NELL2: variants seen among roughly 807,000 people sequenced by gnomAD.
The protein encoded by NELL2 is protein kinase C-binding protein NELL2.
Under a neutral mutation model 109.6 loss-of-function variants are expected in NELL2, and 41 were observed. The observed-to-expected ratio is 0.37, with a 90% CI of 0.29 to 0.49. The LOEUF (loss-of-function observed/expected upper bound fraction) is 0.49, where lower values mean the gene tolerates loss of function less well. Among genes scored for constraint, NELL2 ranks in the 20% least tolerant of loss-of-function variants. The pLI, the probability that NELL2 is intolerant of heterozygous loss-of-function variation, is 0.98. For missense variants in NELL2, 900 were observed against 1,008.3 expected (o/e 0.89, Z 1.45); for synonymous variants, 355 against 344.7 (o/e 1.03, Z -0.33).
At chr12:44,740,425 T>C (rs557953112) in intron 9 of NELL2, among the ~76,000 whole-genome samples, 1 of 152,270 alleles carries the variant, frequency 6.6e-6, no homozygotes, top group South Asian at 2.1e-4. Context: ...TTGTCCTATC[T>C]GTGAACTACT....
intron 9 of NELL2, among the ~76,000 whole-genome samples, chr12:44,754,438 T>C (rs1319066900): frequency 6.6e-6 from 1 of 152,186 alleles, no homozygotes; most frequent in Non-Finnish European, 1.5e-5. Context: ...ATCAGCTCCC[T>C]CCTCTAGAGT....
chr12:44,904,403 A>T (rs1310729555), intron 1 of NELL2, among the ~76,000 whole-genome samples: 3 of 152,178 alleles, frequency 2.0e-5, no homozygotes, highest in Non-Finnish European at 4.4e-5. Context: ...AGTGATACTC[A>T]ACGCTTGCAG....
intron 13 of NELL2, among the ~76,000 whole-genome samples, chr12:44,646,680 G>C (rs952715850): frequency 6.6e-6 from 1 of 152,184 alleles, no homozygotes; most frequent in Admixed American, 6.5e-5. Context: ...CGAAACTGTA[G>C]ATAAGAGGGG....
chr12:44,761,615 A>G (rs1403377128), intron 9 of NELL2, among the ~76,000 whole-genome samples: 1 of 152,190 alleles, frequency 6.6e-6, no homozygotes. Flanking sequence ...AATTAACATA[A>G]CTGTCCATCA....
chr12:44,684,612 G>T (rs1397884488), intron 12 of NELL2, among the ~76,000 whole-genome samples: 1 of 152,024 alleles, frequency 6.6e-6, no homozygotes, highest in Non-Finnish European at 1.5e-5. Flanking sequence ...ATTCTGGTAT[G>T]TTGTGTCTTT....
chr12:44,617,646 C>G (rs1412337854), intron 13 of NELL2, among the ~76,000 whole-genome samples: 2 of 90,682 alleles, frequency 2.2e-5, no homozygotes, highest in Admixed American at 1.1e-4. Flanking sequence ...GAGCCGAGAT[C>G]CCGCCACTGC....
intron 1 of NELL2, 171 bp from the exon 2 acceptor site, chr12:44,875,524 G>C: frequency 6.2e-7 from 1 of 1,613,924 alleles, no homozygotes; most frequent in South Asian, 1.1e-5. Flanking sequence ...CAGCAGCCAA[G>C]CTTTAAATAG....
At chr12:44,863,258 A>C (rs930958434) in intron 2 of NELL2, among the ~76,000 whole-genome samples, 53 of 152,332 alleles carry the variant, frequency 3.5e-4, no homozygotes, top group African/African-American at 1.3e-3. Context: ...TTAAAGAAAT[A>C]GTAGCAGAAA....
chr12:44,715,674 C>A (rs999456381), intron 9 of NELL2, among the ~76,000 whole-genome samples: 4 of 151,702 alleles, frequency 2.6e-5, no homozygotes, highest in Non-Finnish European at 5.9e-5. Context: ...TGCTTCAGGT[C>A]CCCATAACAT....
intron 19 of NELL2, among the ~76,000 whole-genome samples, chr12:44,514,424 G>A (rs1367645119): frequency 2.0e-5 from 3 of 151,806 alleles, no homozygotes; most frequent in African/African-American, 4.8e-5. Flanking sequence ...GCCCAAACAA[G>A]TGAGTAAAAT....
chr12:44,515,044 TAAAGAA>T (rs1565852611), intron 19 of NELL2, among the ~76,000 whole-genome samples: 1 of 151,582 alleles, frequency 6.6e-6, no homozygotes, highest in African/African-American at 2.4e-5. Context: ...AAAATGTTAT[TAAAGAA>T]AAAGAAGGCA....
At chr12:44,918,022 T>C (rs1335317896), upstream of NELL2, among the ~76,000 whole-genome samples, 1 of 152,244 alleles carries the variant, frequency 6.6e-6, no homozygotes, top group Non-Finnish European at 1.5e-5. Context: ...TTTTGAGTCC[T>C]TTCCTCTTGA....
chr12:44,877,638 A>G (rs1835863447), upstream of NELL2, among the ~76,000 whole-genome samples: 1 of 152,200 alleles, frequency 6.6e-6, no homozygotes, highest in African/African-American at 2.4e-5. Flanking sequence ...TATAGATATT[A>G]TCATATAGTG....
chr12:44,743,706 C>T (rs1438494058), intron 9 of NELL2, among the ~76,000 whole-genome samples: 2 of 152,254 alleles, frequency 1.3e-5, no homozygotes, highest in East Asian at 3.9e-4. Flanking sequence ...ACAAAGAAGG[C>T]CATCACATAA....
At chr12:44,697,633 C>A (rs1010349001) in intron 12 of NELL2, among the ~76,000 whole-genome samples, 1 of 152,050 alleles carries the variant, frequency 6.6e-6, no homozygotes, top group Non-Finnish European at 1.5e-5. Flanking sequence ...GCTAATCGTT[C>A]AGTCAGATAA....
At chr12:44,769,798 C>T (rs906034314) in intron 9 of NELL2, among the ~76,000 whole-genome samples, 29 of 152,154 alleles carry the variant, frequency 1.9e-4, no homozygotes, top group African/African-American at 5.8e-4. Flanking sequence ...CTGCAGTGGA[C>T]GTCAAAATGA....
At chr12:44,872,964 G>A (rs1211286736) in intron 2 of NELL2, among the ~76,000 whole-genome samples, 5 of 152,160 alleles carry the variant, frequency 3.3e-5, no homozygotes, top group Non-Finnish European at 4.4e-5. Flanking sequence ...TTCTTAACAA[G>A]TTTCCAAATG....
In NELL2 at chr12:44,876,277, T is replaced by C; in HGVS notation, c.-408A>G. ...TGGGGCGGCCCCGCACCCCCCCGTC[T>C]TCCCCGCCGCCCGAACCTGTTGTAA... On this transcript the variant is annotated 5_prime_UTR_variant, in exon 1 of 20. Transcript: ENST00000429094. The C allele has an allele frequency of 8.7e-7, 1 of 1,143,682 alleles. No homozygotes were observed. The highest frequency in any genetic ancestry group is 1.1e-6 in the Non-Finnish European group (1 of 929,286). The allele number at this position is 1,143,682 out of a possible 1,614,324, so 70.8% of individuals were successfully genotyped here.
intron 8 of NELL2, among the ~76,000 whole-genome samples, chr12:44,775,255 GCACA>G (rs146916774): frequency 5.3e-5 from 8 of 149,774 alleles, no homozygotes; most frequent in African/African-American, 1.5e-4. Flanking sequence ...GCGTGCGCAC[GCACA>G]CACACACACA....
Sources: gnomAD v4.1 joint callset for allele counts (sites outside exome capture counted in the v4.1 genomes callset) on GRCh38, gnomAD v4.1.1 for gene constraint, MANE v1.5 for transcripts, NCBI Gene and HGNC (gene_info 2026-07-23, HGNC 2026-07-21) for gene names.